The following MKNK2 variants were observed in gnomAD, a reference collection of about 807,000 sequenced individuals.
MKNK2 encodes MAPK interacting serine/threonine kinase 2.
In MKNK2, 54 loss-of-function variants were observed where a neutral mutation model predicts 55.0. That is an observed-to-expected ratio of 0.98 (90% CI 0.79 to 1.23). MKNK2 has a LOEUF of 1.23. Among genes scored for constraint, MKNK2 ranks in the 50% most tolerant of loss-of-function variants. MKNK2 has a pLI of 0.00. For missense variants in MKNK2, 685 were observed against 632.1 expected (o/e 1.08, Z -0.90); for synonymous variants, 323 against 256.0 (o/e 1.26, Z -2.50).
chr19:2,046,300 C>T lies in MKNK2; in HGVS notation c.242-17G>A, dbSNP rs762540768. 2.9e-5 allele frequency: 46 copies of T among 1,603,106 alleles called. No homozygotes were observed. The highest frequency in any genetic ancestry group is 4.4e-5 in the South Asian group (4 of 91,076). ...GGTAGACGTCTGCCGGGCAGCGGGG[C>T]GGGCGTGAGAGGGACCCTGGCTTTT... On this transcript the variant is annotated splice_polypyrimidine_tract_variant and intron_variant, in intron 4 of 13. Transcript: ENST00000250896.
chr19:2,043,328 G>T, intron 6 of MKNK2, 131 bp from the exon 7 acceptor site: 1 of 1,002,964 alleles, frequency 1.0e-6, no homozygotes, highest in Non-Finnish European at 1.6e-6. Flanking sequence ...GGGGCAATAG[G>T]CCAGCTTCAC....
intron 7 of MKNK2, 48 bp downstream of exon 7, chr19:2,043,076 A>C: frequency 6.5e-7 from 1 of 1,528,480 alleles, no homozygotes; most frequent in Non-Finnish European, 9.1e-7. Flanking sequence ...CCCATCCCGT[A>C]ATACCTCCCA....
intron 5 of MKNK2, among the ~76,000 whole-genome samples, chr19:2,043,992 A>T: frequency 6.7e-6 from 1 of 149,796 alleles, no homozygotes; most frequent in African/African-American, 2.4e-5. Flanking sequence ...AAAAAAAAAA[A>T]AAAAAAAAAA....
At position 2,038,529 on chromosome 19, in the gene MKNK2, G is replaced by C. The variant is rs895599194; in HGVS notation, c.*1084C>G. 1 of 985,644 alleles carries C rather than the reference G, an allele frequency of 1.0e-6. No individual in the cohort carries two copies. The highest frequency in any genetic ancestry group is 1.2e-6 in the Non-Finnish European group (1 of 830,020). The allele number at this position is 985,644 out of a possible 1,614,324, so 61.1% of individuals were successfully genotyped here. On this transcript the variant is annotated 3_prime_UTR_variant, in exon 14 of 14. Transcript: ENST00000250896. ...ATTCCTGGGTGCCCGAAGGGAGGCC[G>C]AGGCCGCAGCCGTTTTCCTGAAGGT... is the stretch of plus-strand genomic sequence containing the variant.
chr19:2,042,109 T>C (rs2016899589), intron 10 of MKNK2, 75 bp from the exon 11 acceptor site: 5 of 1,341,394 alleles, frequency 3.7e-6, no homozygotes, highest in Non-Finnish European at 4.9e-6. Context: ...TAACTGCGGG[T>C]CACCTGCGCC....
Position 2,037,734 on chromosome 19 carries a change from G to A in MKNK2, c.*1879C>T, listed in dbSNP as rs1364257931. On this transcript the variant is annotated 3_prime_UTR_variant, in exon 14 of 14. Coordinates refer to ENST00000250896, the MANE Select transcript of MKNK2 (RefSeq NM_199054.3). Reference sequence around the variant, plus strand: ...TGGCCTGGGGCCCAGGGTCCTCCAGGATCTTCACTCATTCACAGTAACGGT... The same window carrying A: ...TGGCCTGGGGCCCAGGGTCCTCCAGAATCTTCACTCATTCACAGTAACGGT... 3.2e-6 allele frequency: 5 copies of A among 1,583,016 alleles called. No individual in the cohort carries two copies. The highest frequency in any genetic ancestry group is 1.4e-5 in the African/African-American group (1 of 73,624).
chr19:2,041,028 G>A lies in MKNK2; in HGVS notation c.1110+12C>T. On this transcript the variant is annotated intron_variant, in intron 12 of 13. Coordinates refer to ENST00000250896, the MANE Select transcript of MKNK2 (RefSeq NM_199054.3). Reference sequence around the variant, plus strand: ...CCATACCCCTCCTGCCGCCCGTGCGGCTGGTACTCACCCCCTGAACCCAGG... The same window carrying A: ...CCATACCCCTCCTGCCGCCCGTGCGACTGGTACTCACCCCCTGAACCCAGG... The A allele has an allele frequency of 6.2e-7, 1 of 1,613,528 alleles. No homozygotes were observed. Among genetic ancestry groups the A allele is most frequent in the Non-Finnish European group, 8.5e-7 (1 of 1,179,806 alleles).
chr19:2,041,228 G>C (rs368960332), intron 11 of MKNK2, 24 bp from the exon 12 acceptor site: 1 of 1,597,954 alleles, frequency 6.3e-7, no homozygotes, highest in Non-Finnish European at 8.5e-7. Flanking sequence ...ACACAGGGGA[G>C]CTTAGACCTG....
intron 11 of MKNK2, 77 bp downstream of exon 11, chr19:2,041,763 C>T: frequency 1.5e-6 from 2 of 1,291,464 alleles, no homozygotes. Flanking sequence ...GGGCAGGTCC[C>T]CTGGGGTTAG....
chr19:2,040,449 C>A (rs2016851985), intron 12 of MKNK2: 1 of 470,240 alleles, frequency 2.1e-6, no homozygotes, highest in Non-Finnish European at 3.8e-6. Flanking sequence ...AGCCCCAAGC[C>A]CCATCTCTCC....
chr19:2,046,617 G>T lies in MKNK2; in HGVS notation c.126C>A (p.Cys42Ter). ...DHGDSDFGLQCSARPDMPASQ... is the reference protein window; with the variant it reads ...DHGDSDFGLQ ...CGGGCCCCTCACCAGGGCGGGCTGA[G>T]CACTGCAGGCCAAAGTCAGAGTCTC... Residue 42 changes from cysteine to a stop codon, truncating the protein, a stop_gained, in exon 3 of 14, where the codon TGC becomes TGA. Coordinates refer to ENST00000250896, the MANE Select transcript of MKNK2 (RefSeq NM_199054.3). LOFTEE classifies it high-confidence loss of function. 6.4e-7 allele frequency: 1 copy of T among 1,568,916 alleles called. No homozygotes were observed. The highest frequency in any genetic ancestry group is 8.6e-7 in the Non-Finnish European group (1 of 1,158,042).
chr19:2,040,225 C>T, intron 12 of MKNK2, 48 bp from the exon 13 acceptor site: 2 of 1,491,332 alleles, frequency 1.3e-6, no homozygotes, highest in Non-Finnish European at 9.0e-7. Context: ...GCTGGGGCCG[C>T]CTGGGGCGCT....
Position 2,042,587 on chromosome 19 carries a change from C to A in MKNK2, c.654+20G>T, listed in dbSNP as rs372990387. ...GCGGTCCACCCCTCCCGCGGGGCCA[C>A]CCTGCCGGAACTGGCCTACCTGGTT... On this transcript the variant is annotated intron_variant, in intron 9 of 13. Transcript: ENST00000250896. 9 of 1,569,206 alleles carry A rather than the reference C, an allele frequency of 5.7e-6. No homozygotes were observed. The African/African-American group carries it at 1.1e-4, about 19-fold the overall frequency.
intron 7 of MKNK2, 29 bp from the exon 8 acceptor site, chr19:2,042,899 G>C (rs912042374): frequency 1.3e-6 from 2 of 1,546,620 alleles, no homozygotes; most frequent in Non-Finnish European, 8.7e-7. Flanking sequence ...GGCAGGACAG[G>C]GGGAACACGC....
chr19:2,050,033 G>A (rs2017080048), intron 2 of MKNK2, among the ~76,000 whole-genome samples: 1 of 152,186 alleles, frequency 6.6e-6, no homozygotes, highest in African/African-American at 2.4e-5. Flanking sequence ...ACATAACCCC[G>A]GCCTGAGGGG....
Position 2,046,665 on chromosome 19 carries a change from G to A in MKNK2, c.78C>T (p.Phe26=). 1.3e-6 allele frequency: 2 copies of A among 1,548,796 alleles called. No individual in the cohort carries two copies. Among genetic ancestry groups the A allele is most frequent in the Non-Finnish European group, 8.7e-7 (1 of 1,148,416 alleles). The change falls in exon 3 of 14, where the codon TTC becomes TTT. Residue 26 remains phenylalanine (F), a synonymous_variant. Transcript: ENST00000250896. ...FKGQNPFELA[F]SLDQPDHGDS... is the part of the protein sequence containing the mutation. Reference sequence around the variant, plus strand: ...CTCCGTGGTCGGGCTGGTCTAGGGAGAAGGCCAGCTCGAAGGGGTTCTGCC... The same window carrying A: ...CTCCGTGGTCGGGCTGGTCTAGGGAAAAGGCCAGCTCGAAGGGGTTCTGCC...
Position 2,046,456 on chromosome 19 carries a change from C to G in MKNK2, c.152G>C (p.Ser51Thr). The change falls in exon 4 of 14, where the codon AGC becomes ACC. Residue 51 changes from serine to threonine, a missense_variant. Coordinates refer to ENST00000250896, the MANE Select transcript of MKNK2 (RefSeq NM_199054.3). ...GGCGTCCGGGATGTCAATGGGCTGG[C>G]TGGCGGGCATGTCTGTTCCAGGAGG... is the stretch of plus-strand genomic sequence containing the variant. ...QCSARPDMPA[S>T]QPIDIPDAKK... The G allele has an allele frequency of 6.2e-7, 1 of 1,608,534 alleles. No individual in the cohort carries two copies.
In MKNK2 at chr19:2,039,045, C is replaced by A. The variant is rs1016712433; in HGVS notation, c.*568G>T. On this transcript the variant is annotated 3_prime_UTR_variant, in exon 14 of 14. Coordinates refer to ENST00000250896, the MANE Select transcript of MKNK2 (RefSeq NM_199054.3). ...ATGGGGTGGGTGGGTGAGCTGCCTG[C>A]CACCTGCCTGCCTGACACCTCCAGA... 114 of 986,344 alleles carry A rather than the reference C, an allele frequency of 1.2e-4. 1 individual carries two copies. The highest frequency in any genetic ancestry group is 1.4e-4 in the Non-Finnish European group (114 of 830,384). 61.1% of individuals were successfully genotyped at this position (986,344 alleles called of 1,614,324 possible).
chr19:2,042,951 C>T (rs1324161067), intron 7 of MKNK2, 81 bp from the exon 8 acceptor site: 8 of 1,448,528 alleles, frequency 5.5e-6, no homozygotes, highest in Non-Finnish European at 7.6e-6. Context: ...CCCACCTCCA[C>T]TTTGGCGGGG....
Sources: allele counts gnomAD v4.1 joint callset (sites outside exome capture counted in the v4.1 genomes callset), GRCh38; gene constraint gnomAD v4.1.1; transcripts MANE v1.5; gene names NCBI Gene and HGNC (gene_info 2026-07-23, HGNC 2026-07-21).